TGFBR3: variants seen among roughly 807,000 people sequenced by gnomAD.
TGFBR3 encodes the protein transforming growth factor beta receptor type 3.
Under a neutral mutation model 87.9 loss-of-function variants are expected in TGFBR3, and 46 were observed. The observed-to-expected ratio is 0.52, with a 90% CI of 0.41 to 0.67. The LOEUF is 0.67. Among genes scored for constraint, TGFBR3 ranks in the 30% least tolerant of loss-of-function variants. TGFBR3 has a pLI of 0.00. For synonymous variants in TGFBR3, 381 were observed against 391.6 expected (o/e 0.97, Z 0.32); for missense variants, 866 against 1,041.9 (o/e 0.83, Z 2.32).
chr1:91,816,154 C>T (rs1571539363), intron 2 of TGFBR3, among the ~76,000 whole-genome samples: 1 of 152,114 alleles, frequency 6.6e-6, no homozygotes, highest in East Asian at 1.9e-4. Flanking sequence ...GAGAAAGCAA[C>T]AGAAGGATGG....
At chr1:91,884,186 A>AGC (rs1355062434) in intron 1 of TGFBR3, among the ~76,000 whole-genome samples, 12 of 107,138 alleles carry the variant, frequency 1.1e-4, no homozygotes, top group Admixed American at 2.9e-4. Flanking sequence ...TGGGCGTGGT[A>AGC]GCGCGCGCCT....
In TGFBR3 at chr1:91,779,890, A is replaced by G. The variant is rs1324939470; in HGVS notation, c.246+17397T>C. Among the ~76,000 whole-genome samples, 13 of 152,180 alleles carry G rather than the reference A, an allele frequency of 8.5e-5. 1 individual carries two copies. The highest frequency in any genetic ancestry group is 8.5e-4 in the Admixed American group (13 of 15,276). ...TAGGCCAAAACCAAGGTGTCAGCAG[A>G]GCCACATGCCCTCCAGAGGCTCCAG... On this transcript the variant is annotated intron_variant, in intron 3 of 16. Transcript: ENST00000212355.
intron 16 of TGFBR3, among the ~76,000 whole-genome samples, chr1:91,693,205 C>T (rs1671323394): frequency 6.6e-6 from 1 of 152,130 alleles, no homozygotes; most frequent in African/African-American, 2.4e-5. Context: ...ATAAAATGAA[C>T]CAGAGGCTAC....
At chr1:91,798,776 G>A (rs1394531244) in intron 2 of TGFBR3, among the ~76,000 whole-genome samples, 1 of 152,178 alleles carries the variant, frequency 6.6e-6, no homozygotes, top group Non-Finnish European at 1.5e-5. Flanking sequence ...ATGTATAAAT[G>A]AATCATTGAG....
At chr1:91,774,579 T>G (rs1163429836) in intron 3 of TGFBR3, among the ~76,000 whole-genome samples, 1 of 152,214 alleles carries the variant, frequency 6.6e-6, no homozygotes, top group African/African-American at 2.4e-5. Flanking sequence ...ACTGTCAGGT[T>G]CTCAAATGCC....
At chr1:91,728,362 G>C (rs1346441445) in intron 6 of TGFBR3, among the ~76,000 whole-genome samples, 1 of 152,106 alleles carries the variant, frequency 6.6e-6, no homozygotes, top group Non-Finnish European at 1.5e-5. Flanking sequence ...ATTAACAATT[G>C]CTACAGAATC....
chr1:91,881,371 T>C (rs755150840), intron 1 of TGFBR3, among the ~76,000 whole-genome samples: 7 of 152,186 alleles, frequency 4.6e-5, no homozygotes, highest in African/African-American at 7.2e-5. Flanking sequence ...ATTAATTCTT[T>C]TGAGTCTTAA....
Position 91,732,372 on chromosome 1 carries a change from C to T in TGFBR3, c.569-2399G>A, listed in dbSNP as rs1377465156. Among the ~76,000 whole-genome samples the T allele has an allele frequency of 2.0e-5, 3 of 152,150 alleles. No individual in the cohort carries two copies. In the East Asian group the frequency reaches 5.8e-4, roughly 29 times the overall value. Reference sequence around the variant, plus strand: ...GATTGAAACACTGACTGCTGGGTCCCACCCCCAGAGTTCCTGATTCAGTTG... The same window carrying T: ...GATTGAAACACTGACTGCTGGGTCCTACCCCCAGAGTTCCTGATTCAGTTG... On this transcript the variant is annotated intron_variant, in intron 5 of 16. Transcript: ENST00000212355.
rs200355608 is a variant in TGFBR3 at position 91,902,271 on chromosome 1, T to TTG, written c.-174-2576_-174-2575dup. Among the ~76,000 whole-genome samples, 498 of 148,092 alleles carry TTG rather than the reference T, an allele frequency of 3.4e-3. 2 individuals carry two copies. Among genetic ancestry groups the TTG allele is most frequent in the East Asian group, 8.5e-3 (42 of 4,952 alleles). On this transcript the variant is annotated intron_variant, in intron 1 of 17. Coordinates refer to the TGFBR3 transcript ENST00000370399. ...GACGTGCAGTTTCTTTCCTTTTCTT[T>TTG]TGTGTGTGTGTGTGTGTGTGTGTGT... is the stretch of plus-strand genomic sequence containing the variant.
intron 11 of TGFBR3, 24 bp downstream of exon 11, chr1:91,716,544 C>A (rs781690799): frequency 6.2e-7 from 1 of 1,613,890 alleles, no homozygotes; most frequent in East Asian, 2.2e-5. Flanking sequence ...TTCCACAAAC[C>A]CCCTACTGAT....
At chr1:91,850,780 CAA>C (rs61025683) in intron 2 of TGFBR3, among the ~76,000 whole-genome samples, 4 of 58,412 alleles carry the variant, frequency 6.8e-5, no homozygotes, top group Admixed American at 2.0e-4. Flanking sequence ...GACCCTGTCT[CAA>C]AAAAAAAAAA....
intron 1 of TGFBR3, among the ~76,000 whole-genome samples, chr1:91,872,883 T>G (rs1557755590): frequency 6.6e-6 from 1 of 152,134 alleles, no homozygotes; most frequent in Non-Finnish European, 1.5e-5. Flanking sequence ...GAGGTCAGTG[T>G]TCTAGTCCAA....
At chr1:91,877,162 C>T (rs1557758181) in intron 1 of TGFBR3, among the ~76,000 whole-genome samples, 1 of 152,108 alleles carries the variant, frequency 6.6e-6, no homozygotes, top group Non-Finnish European at 1.5e-5. Flanking sequence ...TGGATTTTCT[C>T]CCAACAAATT....
chr1:91,815,292 A>T (rs981486669), intron 2 of TGFBR3, among the ~76,000 whole-genome samples: 3 of 147,430 alleles, frequency 2.0e-5, no homozygotes, highest in African/African-American at 7.6e-5. Flanking sequence ...ACAGAGCAAG[A>T]CTCCATCTAA....
rs1262341278 is a variant in TGFBR3, at chr1:91,885,991, G to T, written c.-227C>A. ...CGAGCTCCGGCAGCTGCTGCGCCGC[G>T]GCAAAACTACGCCATCCGGACCCGC... On this transcript the variant is annotated 5_prime_UTR_variant, in exon 1 of 17. Transcript: ENST00000212355. 2 of 452,784 alleles carry T rather than the reference G, an allele frequency of 4.4e-6. No homozygotes were observed. The highest frequency in any genetic ancestry group is 2.4e-5 in the Admixed American group (1 of 42,508). 28.0% of individuals were successfully genotyped at this position (452,784 alleles called of 1,614,324 possible).
intron 5 of TGFBR3, among the ~76,000 whole-genome samples, chr1:91,733,484 C>T (rs1363861654): frequency 6.6e-6 from 1 of 152,228 alleles, no homozygotes; most frequent in Non-Finnish European, 1.5e-5. Context: ...ACCTTTCCTG[C>T]CTCTGTCTCT....
chr1:91,808,345 C>T (rs1312746298), intron 2 of TGFBR3, among the ~76,000 whole-genome samples: 3 of 152,206 alleles, frequency 2.0e-5, no homozygotes, highest in Non-Finnish European at 4.4e-5. Context: ...TCTGGAAGTA[C>T]AACTCCCAAA....
intron 3 of TGFBR3, among the ~76,000 whole-genome samples, chr1:91,792,727 G>A (rs1675239890): frequency 6.6e-6 from 1 of 152,170 alleles, no homozygotes; most frequent in Non-Finnish European, 1.5e-5. Context: ...TCGGGAGTCC[G>A]ACACAAGGGG....
chr1:91,745,036 C>T (rs558513853), intron 4 of TGFBR3, among the ~76,000 whole-genome samples: 1 of 151,704 alleles, frequency 6.6e-6, no homozygotes, highest in Admixed American at 6.6e-5. Flanking sequence ...ACACACACAT[C>T]CCCTACAACT....
Sources: allele counts gnomAD v4.1 joint callset (sites outside exome capture counted in the v4.1 genomes callset), GRCh38; gene constraint gnomAD v4.1.1; transcripts MANE v1.5; gene names NCBI Gene and HGNC (gene_info 2026-07-23, HGNC 2026-07-21).